GABBR2: variants seen among roughly 807,000 people sequenced by gnomAD.
The protein encoded by GABBR2 is G-protein coupled receptor 51.
A neutral mutation model predicts 105.6 loss-of-function variants in GABBR2; 23 were observed. The ratio of observed to expected loss-of-function variants is 0.22; its 90% CI spans 0.16 to 0.31. The LOEUF is 0.31. Ranked by LOEUF, GABBR2 falls within the 10% of genes least tolerant of loss-of-function variation. The pLI is 1.00. For synonymous variants in GABBR2, 478 were observed against 499.7 expected (o/e 0.96, Z 0.58); for missense variants, 734 against 1,245.5 (o/e 0.59, Z 6.18).
At chr9:98,678,354 T>C (rs543422097) in intron 1 of GABBR2, among the ~76,000 whole-genome samples, 73 of 152,314 alleles carry the variant, frequency 4.8e-4, no homozygotes, top group African/African-American at 1.7e-3. Flanking sequence ...TAACCGCTTA[T>C]TTACTTAGAA....
At chr9:98,616,711 G>A (rs1001994254) in intron 1 of GABBR2, among the ~76,000 whole-genome samples, 3 of 149,350 alleles carry the variant, frequency 2.0e-5, no homozygotes, top group Non-Finnish European at 4.4e-5. Context: ...CCAAGAATGC[G>A]CCACTGCACT....
chr9:98,420,346 C>T (rs759617405), intron 7 of GABBR2, among the ~76,000 whole-genome samples: 3 of 152,228 alleles, frequency 2.0e-5, no homozygotes, highest in Admixed American at 1.3e-4. Flanking sequence ...CCGGCCTCGA[C>T]TGACTCTCCC....
chr9:98,422,127 G>A (rs752036264), intron 7 of GABBR2, among the ~76,000 whole-genome samples: 1 of 151,340 alleles, frequency 6.6e-6, no homozygotes, highest in Non-Finnish European at 1.5e-5. Context: ...TATAAAGACA[G>A]CAACCCCAAC....
chr9:98,600,776 G>A (rs2131804453), intron 1 of GABBR2, among the ~76,000 whole-genome samples: 1 of 152,328 alleles, frequency 6.6e-6, no homozygotes, highest in South Asian at 2.1e-4. Context: ...TCTACTCACT[G>A]AGTATCCACG....
At chr9:98,440,516 C>G (rs980018183) in intron 7 of GABBR2, among the ~76,000 whole-genome samples, 1 of 152,146 alleles carries the variant, frequency 6.6e-6, no homozygotes, top group African/African-American at 2.4e-5. Flanking sequence ...CCACTTCCCC[C>G]CTTCTACAAT....
At position 98,688,664 on chromosome 9, in the gene GABBR2, T is replaced by C. The variant is rs139453229; in HGVS notation, c.321+19753A>G. Among the ~76,000 whole-genome samples the C allele has an allele frequency of 7.6e-4, 115 of 152,314 alleles. 1 individual carries two copies. Among genetic ancestry groups the C allele is most frequent in the African/African-American group, 2.5e-3 (102 of 41,576 alleles). ...GTGGTCAGTCCTGAAGGCCTTGCTC[T>C]AAATGAACCCAGGGTGACCCCAGTG... On this transcript the variant is annotated intron_variant, in intron 1 of 18. Coordinates refer to ENST00000259455, the MANE Select transcript of GABBR2 (RefSeq NM_005458.8).
At chr9:98,382,117 T>C (rs1831987698) in intron 11 of GABBR2, among the ~76,000 whole-genome samples, 1 of 152,078 alleles carries the variant, frequency 6.6e-6, no homozygotes, top group Non-Finnish European at 1.5e-5. Flanking sequence ...GAAGATTGAA[T>C]GCCTCAGGAC....
chr9:98,422,745 A>C (rs1832805851), intron 7 of GABBR2, among the ~76,000 whole-genome samples: 1 of 150,206 alleles, frequency 6.7e-6, no homozygotes, highest in Non-Finnish European at 1.5e-5. Context: ...ATATCTCCCA[A>C]TGCTATCCCT....
In GABBR2 at chr9:98,288,710, A is replaced by G. The variant is rs889475369; in HGVS notation, c.*1874T>C. 1 of 152,630 alleles carries G rather than the reference A, an allele frequency of 6.6e-6. No individual in the cohort carries two copies. Among genetic ancestry groups the G allele is most frequent in the African/African-American group, 2.4e-5 (1 of 41,460 alleles). 9.5% of individuals were successfully genotyped at this position (152,630 alleles called of 1,614,324 possible). A position where few individuals can be genotyped will look rare whatever the true frequency, so the allele number is the denominator to read the frequency against. ...ATTTTTAGTGCCTAAACAGAGAATG[A>G]CTTCAACTTGACCTGTGATGTGTTA... On this transcript the variant is annotated 3_prime_UTR_variant, in exon 19 of 19. Transcript: ENST00000259455.
intron 7 of GABBR2, among the ~76,000 whole-genome samples, chr9:98,427,399 G>A (rs1457542051): frequency 6.6e-6 from 1 of 152,182 alleles, no homozygotes; most frequent in Non-Finnish European, 1.5e-5. Context: ...TACAGGACTT[G>A]TACCTGGTTT....
At chr9:98,380,356 A>G (rs1831950008) in intron 11 of GABBR2, among the ~76,000 whole-genome samples, 1 of 152,186 alleles carries the variant, frequency 6.6e-6, no homozygotes, top group Admixed American at 6.5e-5. Context: ...CTGTCTGCAA[A>G]GCCCCTTCTT....
At chr9:98,554,233 T>G (rs1588226217) in intron 2 of GABBR2, among the ~76,000 whole-genome samples, 2 of 151,898 alleles carry the variant, frequency 1.3e-5, no homozygotes, top group Non-Finnish European at 2.9e-5. Context: ...TGGTGGCGGG[T>G]GCCTGTAGTC....
chr9:98,505,020 C>G (rs1675433765), intron 3 of GABBR2, among the ~76,000 whole-genome samples: 1 of 152,210 alleles, frequency 6.6e-6, no homozygotes, highest in African/African-American at 2.4e-5. Flanking sequence ...CTGCGCACCC[C>G]CGTGGTGCTG....
At chr9:98,661,478 G>A (rs1242064336) in intron 1 of GABBR2, among the ~76,000 whole-genome samples, 3 of 151,918 alleles carry the variant, frequency 2.0e-5, no homozygotes, top group Non-Finnish European at 4.4e-5. Flanking sequence ...TTGGCTCACT[G>A]CAAACTCCAC....
At chr9:98,424,947 A>T (rs1312380245) in intron 7 of GABBR2, among the ~76,000 whole-genome samples, 1 of 152,000 alleles carries the variant, frequency 6.6e-6, no homozygotes, top group Non-Finnish European at 1.5e-5. Context: ...CCATCAAGCT[A>T]CCAATGACTG....
At chr9:98,621,751 T>C (rs571403842) in intron 1 of GABBR2, among the ~76,000 whole-genome samples, 1 of 152,350 alleles carries the variant, frequency 6.6e-6, no homozygotes, top group East Asian at 1.9e-4. Flanking sequence ...ATGATTTTCA[T>C]TTCCTCAAAG....
Position 98,708,590 on chromosome 9 carries a change from G to T in GABBR2, c.148C>A (p.Pro50Thr). ...ATGGAGAGCGGCGGGCTGCTGGGCG[G>T]CGGCCGGGGGGCGCCCCGCGCCCAG... is the stretch of plus-strand genomic sequence containing the variant. Reference protein sequence around the residue: ...WGWARGAPRPPPSSPPLSIMG... With the variant: ...WGWARGAPRPTPSSPPLSIMG... The change falls in exon 1 of 19, where the codon CCG becomes ACG. Residue 50 changes from proline to threonine, a missense_variant. This residue lies in a region of GABBR2 where 70 missense variants were observed against 73.4 expected (regional missense o/e 0.95). Transcript: ENST00000259455. 1 of 1,466,690 alleles carries T rather than the reference G, an allele frequency of 6.8e-7. No individual in the cohort carries two copies. The highest frequency in any genetic ancestry group is 9.0e-7 in the Non-Finnish European group (1 of 1,109,956). The allele number at this position is 1,466,690 out of a possible 1,614,324, so 90.9% of individuals were successfully genotyped here.
chr9:98,495,478 CA>C (rs1827258899), intron 4 of GABBR2, among the ~76,000 whole-genome samples: 1 of 152,162 alleles, frequency 6.6e-6, no homozygotes, highest in Non-Finnish European at 1.5e-5. Flanking sequence ...CACCTGCTTA[CA>C]AACCTCCAGG....
chr9:98,370,512 G>A (rs192108452), intron 12 of GABBR2, among the ~76,000 whole-genome samples: 1 of 152,302 alleles, frequency 6.6e-6, no homozygotes, highest in East Asian at 1.9e-4. Context: ...ATGGGATGAT[G>A]GGGAAAGAAT....
Sources: allele counts gnomAD v4.1 joint callset (sites outside exome capture counted in the v4.1 genomes callset), GRCh38; gene constraint gnomAD v4.1.1; regional missense constraint gnomAD v4.1.1; transcripts MANE v1.5; gene names NCBI Gene and HGNC (gene_info 2026-07-23, HGNC 2026-07-21).